Variants in PLEKHA7 observed in about 807,000 individuals in gnomAD.
PLEKHA7 encodes the protein pleckstrin homology domain-containing family A member 7.
Under a neutral mutation model 170.0 loss-of-function variants are expected in PLEKHA7, and 104 were observed. The ratio of observed to expected loss-of-function variants is 0.61; its 90% CI spans 0.52 to 0.72. The LOEUF (loss-of-function observed/expected upper bound fraction) is 0.72. Ranked by LOEUF, PLEKHA7 falls within the 30% of genes least tolerant of loss-of-function variation. PLEKHA7 has a pLI of 0.00. For synonymous variants in PLEKHA7, 648 were observed against 660.8 expected, an observed-to-expected ratio of 0.98 and a Z score of 0.30; for missense variants, 1,615 against 1,671.7, an observed-to-expected ratio of 0.97 and a Z score of 0.59.
intron 3 of PLEKHA7, among the ~76,000 whole-genome samples, chr11:16,998,172 C>A (rs1462259835): frequency 1.3e-5 from 2 of 152,284 alleles, no homozygotes; most frequent in East Asian, 1.9e-4. Flanking sequence ...AGTGTCAGTA[C>A]CAGATAAACA....
chr11:16,994,052 G>A lies in PLEKHA7; in HGVS notation c.221+19937C>T, dbSNP rs7122666. On this transcript the variant is annotated intron_variant, in intron 3 of 26. Coordinates refer to ENST00000531066, the MANE Select transcript of PLEKHA7 (RefSeq NM_001329630.2). ...CTCAAAGTCCTCTTCAACTGGGGAC[G>A]ATACACACATCAGTTTTATCAGCTT... is the stretch of plus-strand genomic sequence containing the variant. Among the ~76,000 whole-genome samples the A allele has an allele frequency of 4.6e-5, 7 of 152,278 alleles. No individual in the cohort carries two copies. In the East Asian group the frequency reaches 1.4e-3, roughly 29 times the overall value.
At chr11:16,814,143 C>A (rs1429757478) in intron 12 of PLEKHA7, among the ~76,000 whole-genome samples, 1 of 152,188 alleles carries the variant, frequency 6.6e-6, no homozygotes, top group Non-Finnish European at 1.5e-5. Context: ...CTGTCAGGGG[C>A]ACTAGTGGCT....
At chr11:16,888,941 TAAA>T (rs59807490) in intron 3 of PLEKHA7, among the ~76,000 whole-genome samples, 159 of 136,352 alleles carry the variant, frequency 1.2e-3, no homozygotes, top group African/African-American at 2.2e-3. Flanking sequence ...TACTAAAAAT[TAAA>T]AAAAAAAAAA....
In PLEKHA7 at chr11:16,841,668, G is replaced by A; in HGVS notation, c.751C>T (p.Gln251Ter). ...GTCCTCATGCCTGACTGCTCGGCCT[G>A]AGAGCCCGCTGTGGAGCTGTTATAG... Reference protein sequence around the residue: ...LIYNSSTAGSQAEQSGMRTYY... With the variant: ...LIYNSSTAGS The change falls in exon 9 of 27, where the codon CAG (glutamine) becomes TAG (stop). Residue 251 changes from glutamine to a stop codon, truncating the protein, a stop_gained. Coordinates refer to ENST00000531066, the MANE Select transcript of PLEKHA7 (RefSeq NM_001329630.2). LOFTEE classifies it high-confidence loss of function. 6.2e-7 allele frequency: 1 copy of A among 1,614,178 alleles called. No homozygotes were observed. Among genetic ancestry groups the A allele is most frequent in the Non-Finnish European group, 8.5e-7 (1 of 1,180,024 alleles).
chr11:17,000,356 A>G (rs1864592534), intron 3 of PLEKHA7, among the ~76,000 whole-genome samples: 1 of 152,152 alleles, frequency 6.6e-6, no homozygotes, highest in South Asian at 2.1e-4. Flanking sequence ...AGCCTCCCAA[A>G]GTGCTCGGAT....
chr11:16,867,612 C>T (rs760397981), intron 4 of PLEKHA7, among the ~76,000 whole-genome samples: 2 of 152,200 alleles, frequency 1.3e-5, no homozygotes, highest in African/African-American at 2.4e-5. Context: ...GAGGAGACAT[C>T]ATGCCTCACT....
rs201141716 is a variant in PLEKHA7 at position 16,854,939 on chromosome 11, G to A, written c.472C>T (p.Arg158Trp). Residue 158 changes from arginine (R) to tryptophan (W), a missense_variant, in exon 6 of 27, where the codon CGG becomes TGG. Arg to Trp is a moderately radical substitution (Grantham distance 101, BLOSUM62 -3). Transcript: ENST00000531066. ...HSFGKRDQAIRRNPNVPVVVR... is the reference protein window; with the variant it reads ...HSFGKRDQAIWRNPNVPVVVR... ...ACCACGGGAACATTGGGGTTCCTCC[G>A]AATGGCCTGGTCTCTCTTCCCAAAG... The A allele has an allele frequency of 1.2e-4, 187 of 1,614,050 alleles. No homozygotes were observed. The highest frequency in any genetic ancestry group is 6.3e-4 in the Admixed American group (38 of 59,992).
chr11:16,928,015 G>A (rs1319381982), intron 3 of PLEKHA7, among the ~76,000 whole-genome samples: 1 of 152,148 alleles, frequency 6.6e-6, no homozygotes, highest in East Asian at 1.9e-4. Flanking sequence ...TGGGGAGGGA[G>A]GTGGTAAGCA....
chr11:16,949,628 CA>C (rs1861277962), intron 3 of PLEKHA7, among the ~76,000 whole-genome samples: 1 of 152,120 alleles, frequency 6.6e-6, no homozygotes, highest in Non-Finnish European at 1.5e-5. Context: ...TCATTCATTC[CA>C]ATGTCTGTCT....
At chr11:16,982,693 G>A (rs373097013) in intron 3 of PLEKHA7, among the ~76,000 whole-genome samples, 4 of 151,806 alleles carry the variant, frequency 2.6e-5, no homozygotes, top group Admixed American at 1.3e-4. Context: ...CTGTGTCCAC[G>A]ACCTGACCCA....
At chr11:16,845,829 A>T (rs762845921) in intron 8 of PLEKHA7, among the ~76,000 whole-genome samples, 1 of 152,146 alleles carries the variant, frequency 6.6e-6, no homozygotes, top group Non-Finnish European at 1.5e-5. Context: ...ATGGTGGTGG[A>T]GGCAGAGAAG....
chr11:16,807,137 A>G, intron 13 of PLEKHA7: 3 of 981,452 alleles, frequency 3.1e-6, no homozygotes, highest in Non-Finnish European at 3.6e-6. Context: ...GGATCAGATC[A>G]TCTTACGCTT....
At chr11:16,946,304 G>C (rs574490282) in intron 3 of PLEKHA7, among the ~76,000 whole-genome samples, 217 of 152,244 alleles carry the variant, frequency 1.4e-3, no homozygotes, top group Non-Finnish European at 2.4e-3. Flanking sequence ...CTAGACACTG[G>C]ATAACCTGCC....
At chr11:16,984,275 T>C (rs1244041648) in intron 3 of PLEKHA7, among the ~76,000 whole-genome samples, 2 of 152,024 alleles carry the variant, frequency 1.3e-5, no homozygotes, top group Non-Finnish European at 2.9e-5. Context: ...CCTAAATAAT[T>C]AAAATATTTA....
intron 3 of PLEKHA7, among the ~76,000 whole-genome samples, chr11:16,932,852 T>C (rs1480101501): frequency 5.9e-5 from 9 of 152,196 alleles, no homozygotes; most frequent in Non-Finnish European, 1.5e-5. Flanking sequence ...TAGATGGGAA[T>C]AAACTAAGTT....
intron 24 of PLEKHA7, among the ~76,000 whole-genome samples, chr11:16,785,529 A>C (rs553076321): frequency 1.3e-5 from 2 of 152,366 alleles, no homozygotes; most frequent in African/African-American, 4.8e-5. Context: ...TGAAGAGCTT[A>C]GGAATAGCAT....
Position 16,794,559 on chromosome 11 carries a change from G to T in PLEKHA7, c.2674C>A (p.Arg892=), listed in dbSNP as rs777125082. ...TTCCTCAGCTGGGGTGGGTGAGGTC[G>T]GTACGGCACGTAGGTTTGCAGCTGG... is the stretch of plus-strand genomic sequence containing the variant. ...FPQLQTYVPY[R]PHPPQLRKVT... is the part of the protein sequence containing the mutation. The change falls in exon 19 of 27, where the codon CGA becomes AGA. Residue 892 remains arginine (R), a synonymous_variant. Transcript: ENST00000531066. 6.2e-7 allele frequency: 1 copy of T among 1,613,804 alleles called. No individual in the cohort carries two copies. Among genetic ancestry groups the T allele is most frequent in the East Asian group, 2.2e-5 (1 of 44,844 alleles).
chr11:17,006,626 C>CA (rs59063580), intron 3 of PLEKHA7, among the ~76,000 whole-genome samples: 75,404 of 121,650 alleles, frequency 0.62, 21,678 homozygotes, highest in East Asian at 0.81. Flanking sequence ...GACTCAGTCT[C>CA]AAAAAAAAAA....
chr11:16,852,658 T>G (rs1853074541), intron 6 of PLEKHA7, among the ~76,000 whole-genome samples: 1 of 152,108 alleles, frequency 6.6e-6, no homozygotes, highest in South Asian at 2.1e-4. Flanking sequence ...ACAAAAAGTT[T>G]TTGTTTGTTT....
Sources: allele counts gnomAD v4.1 joint callset (sites outside exome capture counted in the v4.1 genomes callset), GRCh38; gene constraint gnomAD v4.1.1; transcripts MANE v1.5; gene names NCBI Gene and HGNC (gene_info 2026-07-23, HGNC 2026-07-21).